Variants in NOL4 observed in about 807,000 individuals in gnomAD.
NOL4 encodes cancer/testis antigen 125.
A neutral mutation model predicts 75.9 loss-of-function variants in NOL4; 17 were observed. The observed-to-expected ratio is 0.22, with a 90% CI of 0.15 to 0.34. NOL4 has a LOEUF of 0.34. Among genes scored for constraint, NOL4 ranks in the 10% least tolerant of loss-of-function variants. The pLI is 1.00. For missense variants in NOL4, 614 were observed against 793.5 expected, an observed-to-expected ratio of 0.77 and a Z score of 2.72; for synonymous variants, 292 against 289.9, an observed-to-expected ratio of 1.01 and a Z score of -0.07.
chr18:34,162,238 A>G (rs1042351963), intron 1 of NOL4, among the ~76,000 whole-genome samples: 19 of 152,334 alleles, frequency 1.2e-4, no homozygotes, highest in Middle Eastern at 6.8e-3. Context: ...AACTAAAATC[A>G]GAGCAGAACT....
chr18:33,855,030 A>G (rs555012885), intron 10 of NOL4, among the ~76,000 whole-genome samples: 1 of 152,094 alleles, frequency 6.6e-6, no homozygotes, highest in East Asian at 1.9e-4. Flanking sequence ...ACATCTCCCA[A>G]GTTATTATTA....
intron 1 of NOL4, among the ~76,000 whole-genome samples, chr18:34,135,926 C>T (rs1018820414): frequency 3.3e-5 from 5 of 151,830 alleles, no homozygotes; most frequent in Non-Finnish European, 7.4e-5. Context: ...AATATAGATA[C>T]AAAAATCCTC....
chr18:34,214,853 A>T (rs1226386410), intron 1 of NOL4, among the ~76,000 whole-genome samples: 1 of 152,204 alleles, frequency 6.6e-6, no homozygotes, highest in Non-Finnish European at 1.5e-5. Context: ...ATCTTGTCAC[A>T]TATAATTATA....
At chr18:34,056,414 T>C (rs1016915807) in intron 5 of NOL4, among the ~76,000 whole-genome samples, 3 of 152,182 alleles carry the variant, frequency 2.0e-5, no homozygotes, top group Non-Finnish European at 2.9e-5. Flanking sequence ...GCCCATTTTT[T>C]TCTCAGGAGC....
At chr18:34,120,942 T>C (rs980072769) in intron 2 of NOL4, among the ~76,000 whole-genome samples, 5 of 152,190 alleles carry the variant, frequency 3.3e-5, no homozygotes, top group African/African-American at 1.2e-4. Flanking sequence ...TGTTAAATTA[T>C]AATTAATTTT....
intron 1 of NOL4, among the ~76,000 whole-genome samples, chr18:34,131,039 C>CACACACATACACAT (rs1161327496): frequency 2.7e-5 from 4 of 149,132 alleles, no homozygotes; most frequent in Non-Finnish European, 5.9e-5. Context: ...TGCTTGCAAA[C>CACACACATACACAT]ACACACATAC....
At chr18:34,147,175 T>G (rs917674091) in intron 1 of NOL4, among the ~76,000 whole-genome samples, 8 of 152,148 alleles carry the variant, frequency 5.3e-5, no homozygotes. Flanking sequence ...CATAGACGAT[T>G]TGACTTTCTC....
intron 9 of NOL4, among the ~76,000 whole-genome samples, chr18:33,924,055 A>G (rs2067188940): frequency 6.6e-6 from 1 of 152,198 alleles, no homozygotes; most frequent in African/African-American, 2.4e-5. Flanking sequence ...CTAAGAAATC[A>G]TACACACACT....
At chr18:33,860,423 C>A (rs7226485) in intron 10 of NOL4, among the ~76,000 whole-genome samples, 52,613 of 151,886 alleles carry the variant, frequency 0.35, 9,234 homozygotes, top group South Asian at 0.46. Context: ...CAAGGCAATG[C>A]CCTTCTGTCT....
chr18:34,206,945 G>T (rs1450143976), intron 1 of NOL4, among the ~76,000 whole-genome samples: 1 of 151,598 alleles, frequency 6.6e-6, no homozygotes, highest in East Asian at 1.9e-4. Context: ...TTTCTATTGA[G>T]TCCATGAATT....
intron 1 of NOL4, among the ~76,000 whole-genome samples, chr18:34,151,857 A>T (rs2081654098): frequency 6.6e-6 from 1 of 151,786 alleles, no homozygotes; most frequent in African/African-American, 2.4e-5. Context: ...CCTGAAGTCT[A>T]TTTAAAATGA....
rs542340295 is a variant in NOL4, at chr18:34,208,684, C to T, written c.264+14306G>A. On this transcript the variant is annotated intron_variant, in intron 1 of 10. Transcript: ENST00000261592. ...CCAGCCTGGCTAAAAGGTCAAACCC[C>T]GTCTCTACTAAAATCACCAAAAAAA... Among the ~76,000 whole-genome samples the T allele has an allele frequency of 3.3e-3, 494 of 151,822 alleles. 5 individuals carry two copies. The highest frequency in any genetic ancestry group is 0.011 in the African/African-American group (443 of 41,392).
intron 5 of NOL4, among the ~76,000 whole-genome samples, chr18:34,024,437 T>C (rs936313356): frequency 2.0e-5 from 3 of 151,558 alleles, no homozygotes; most frequent in African/African-American, 7.3e-5. Context: ...AAAAGATTAG[T>C]ACCTTCATAT....
chr18:33,876,124 G>A (rs1347224265), intron 10 of NOL4, among the ~76,000 whole-genome samples: 3 of 151,982 alleles, frequency 2.0e-5, no homozygotes, highest in Admixed American at 2.0e-4. Context: ...TTGAACATGA[G>A]AACTCCAAAA....
chr18:33,966,448 G>A (rs536768550), intron 6 of NOL4, among the ~76,000 whole-genome samples: 1 of 152,088 alleles, frequency 6.6e-6, no homozygotes, highest in South Asian at 2.1e-4. Flanking sequence ...CCTAGCCAGA[G>A]CAATCAGACA....
chr18:34,015,447 T>C (rs1475524268), intron 6 of NOL4, among the ~76,000 whole-genome samples: 1 of 152,052 alleles, frequency 6.6e-6, no homozygotes, highest in African/African-American at 2.4e-5. Context: ...TTTATATCAA[T>C]ATTGAAATGC....
chr18:33,931,848 G>A (rs1363744497), intron 9 of NOL4, among the ~76,000 whole-genome samples: 1 of 151,932 alleles, frequency 6.6e-6, no homozygotes, highest in Admixed American at 6.6e-5. Context: ...TAAATGCAAA[G>A]TTTTTATGTT....
chr18:34,163,816 T>C (rs983703598), intron 1 of NOL4, among the ~76,000 whole-genome samples: 2 of 151,838 alleles, frequency 1.3e-5, no homozygotes, highest in East Asian at 1.9e-4. Context: ...AAGCTGGAGG[T>C]ATCACACTAC....
chr18:33,890,658 G>A (rs1408242485), intron 9 of NOL4, among the ~76,000 whole-genome samples: 2 of 151,980 alleles, frequency 1.3e-5, no homozygotes, highest in Non-Finnish European at 2.9e-5. Flanking sequence ...TGATATGTAG[G>A]CAAACAATAT....
Sources: gnomAD v4.1 joint callset for allele counts (sites outside exome capture counted in the v4.1 genomes callset) on GRCh38, gnomAD v4.1.1 for gene constraint, MANE v1.5 for transcripts, NCBI Gene and HGNC (gene_info 2026-07-23, HGNC 2026-07-21) for gene names.